ROBO1: variants seen among roughly 807,000 people sequenced by gnomAD.
ROBO1 encodes roundabout homolog 1.
Under a neutral mutation model 195.9 loss-of-function variants are expected in ROBO1, and 149 were observed. The observed-to-expected ratio is 0.76, with a 90% confidence interval of 0.67 to 0.87. ROBO1 has a LOEUF of 0.87. Among genes scored for constraint, ROBO1 ranks in the 40% least tolerant of loss-of-function variants. The pLI is 0.00. For missense variants in ROBO1, 1,933 were observed against 2,068.3 expected, an observed-to-expected ratio of 0.93 and a Z score of 1.27; for synonymous variants, 816 against 733.2, an observed-to-expected ratio of 1.11 and a Z score of -1.82.
At chr3:79,136,611 A>G (rs2080413876) in intron 2 of ROBO1, among the ~76,000 whole-genome samples, 1 of 152,186 alleles carries the variant, frequency 6.6e-6, no homozygotes. Flanking sequence ...ACATTTAATT[A>G]GAAACGTAGG....
chr3:79,099,168 T>C (rs1252903832), intron 3 of ROBO1, among the ~76,000 whole-genome samples: 1 of 151,792 alleles, frequency 6.6e-6, no homozygotes, highest in Non-Finnish European at 1.5e-5. Flanking sequence ...AAAGGAAACA[T>C]ACTTTTTCTG....
intron 1 of ROBO1, among the ~76,000 whole-genome samples, chr3:79,629,648 A>T (rs903358732): frequency 6.6e-6 from 1 of 152,070 alleles, no homozygotes. Flanking sequence ...AGATCAGAGC[A>T]GAATTAAATG....
At chr3:79,541,605 C>A (rs1439798184) in intron 2 of ROBO1, among the ~76,000 whole-genome samples, 1 of 151,878 alleles carries the variant, frequency 6.6e-6, no homozygotes, top group Non-Finnish European at 1.5e-5. Flanking sequence ...TTGAAAACTC[C>A]ACCATAATAT....
chr3:78,988,481 C>A (rs888574392), intron 3 of ROBO1, among the ~76,000 whole-genome samples: 1 of 152,256 alleles, frequency 6.6e-6, no homozygotes, highest in East Asian at 1.9e-4. Context: ...TTAGAAGGCA[C>A]ACTACATTAC....
In ROBO1 at chr3:79,671,949, T is replaced by C. The variant is rs537502462; in HGVS notation, c.-50-81988A>G. The stretch of plus-strand genomic sequence containing the variant: ...ACTAAATTGTGCTGGTCCCAACAAC[T>C]GCGAATTGCAACCTAATCATGAAAT... On this transcript the variant is annotated intron_variant, in intron 1 of 30. Transcript: ENST00000464233. Among the ~76,000 whole-genome samples, 5 of 152,082 alleles carry C rather than the reference T, an allele frequency of 3.3e-5. No homozygotes were observed. In the South Asian group the frequency reaches 1.0e-3, roughly 31 times the overall value.
chr3:79,599,134 T>G (rs1226109663), intron 1 of ROBO1, among the ~76,000 whole-genome samples: 3 of 152,052 alleles, frequency 2.0e-5, no homozygotes. Flanking sequence ...AAATAATTAT[T>G]TTATCACTAC....
At chr3:79,676,339 C>A (rs1290963155) in intron 1 of ROBO1, among the ~76,000 whole-genome samples, 1 of 151,996 alleles carries the variant, frequency 6.6e-6, no homozygotes, top group Non-Finnish European at 1.5e-5. Context: ...CAGATTAAAG[C>A]AAACCATTTC....
intron 2 of ROBO1, among the ~76,000 whole-genome samples, chr3:79,497,304 C>A (rs913133573): frequency 1.3e-5 from 2 of 152,164 alleles, no homozygotes; most frequent in Admixed American, 1.3e-4. Flanking sequence ...AAATTTACTA[C>A]CAACATCTCC....
intron 1 of ROBO1, among the ~76,000 whole-genome samples, chr3:79,640,203 A>G (rs769342322): frequency 1.3e-5 from 2 of 152,200 alleles, no homozygotes; most frequent in Non-Finnish European, 2.9e-5. Context: ...ATAAAGAAAA[A>G]AAGATAGCTT....
chr3:78,995,384 A>G (rs1439106143), intron 3 of ROBO1, among the ~76,000 whole-genome samples: 3 of 152,090 alleles, frequency 2.0e-5, no homozygotes, highest in African/African-American at 7.2e-5. Context: ...CCTGGAACCG[A>G]GCAACACAGA....
intron 2 of ROBO1, among the ~76,000 whole-genome samples, chr3:79,466,712 AT>A (rs1937979331): frequency 6.6e-6 from 1 of 152,218 alleles, no homozygotes; most frequent in Non-Finnish European, 1.5e-5. Flanking sequence ...ACTGTATGCT[AT>A]CTTTCAGTGT....
chr3:78,709,912 T>C (rs1045774149), intron 8 of ROBO1, among the ~76,000 whole-genome samples: 2 of 152,212 alleles, frequency 1.3e-5, no homozygotes, highest in African/African-American at 2.4e-5. Context: ...CCAATGCACA[T>C]GTAATGCAAT....
chr3:79,369,678 CT>C lies in ROBO1; in HGVS notation c.88+220145del, dbSNP rs1165239836. On this transcript the variant is annotated intron_variant, in intron 2 of 30. Coordinates refer to ENST00000464233, the MANE Select transcript of ROBO1 (RefSeq NM_002941.4). ...TTGCAAATTTTAAAGAGGCTTCTTT[CT>C]TTTTTTTTTTTCTTTTGATCTTTAG... Among the ~76,000 whole-genome samples the C allele has an allele frequency of 7.0e-4, 101 of 145,036 alleles. 1 individual carries two copies. The highest frequency in any genetic ancestry group is 3.3e-3 in the South Asian group (15 of 4,538).
chr3:79,694,076 G>A (rs1328604001), intron 1 of ROBO1, among the ~76,000 whole-genome samples: 4 of 151,668 alleles, frequency 2.6e-5, no homozygotes, highest in Non-Finnish European at 5.9e-5. Context: ...ATAAGTATTT[G>A]AAACAACTTC....
intron 2 of ROBO1, among the ~76,000 whole-genome samples, chr3:79,151,666 C>G (rs1463508575): frequency 6.6e-6 from 1 of 151,784 alleles, no homozygotes; most frequent in Non-Finnish European, 1.5e-5. Context: ...ATTTTCTTCT[C>G]CTGGCCTGCA....
chr3:78,798,782 G>A (rs533043886), intron 4 of ROBO1, among the ~76,000 whole-genome samples: 1 of 152,306 alleles, frequency 6.6e-6, no homozygotes, highest in Admixed American at 6.5e-5. Context: ...TCCATGAAGA[G>A]TAGTTTAGTG....
intron 4 of ROBO1, among the ~76,000 whole-genome samples, chr3:78,913,013 T>C (rs2038341010): frequency 6.6e-6 from 1 of 152,132 alleles, no homozygotes; most frequent in Admixed American, 6.6e-5. Flanking sequence ...AAGCACAGAT[T>C]TTTTGATATG....
At chr3:79,103,503 T>C (rs1170192120) in intron 3 of ROBO1, among the ~76,000 whole-genome samples, 9 of 151,820 alleles carry the variant, frequency 5.9e-5, no homozygotes, top group African/African-American at 2.2e-4. Context: ...TGTTTTTTGT[T>C]GAGTAAGCAG....
chr3:79,445,904 A>G (rs761995602), intron 2 of ROBO1, among the ~76,000 whole-genome samples: 1 of 151,972 alleles, frequency 6.6e-6, no homozygotes, highest in Non-Finnish European at 1.5e-5. Flanking sequence ...TGCCCGCCTC[A>G]GCCTCCCAAA....
Sources: allele counts gnomAD v4.1 joint callset (sites outside exome capture counted in the v4.1 genomes callset), GRCh38; gene constraint gnomAD v4.1.1; transcripts MANE v1.5; gene names NCBI Gene and HGNC (gene_info 2026-07-23, HGNC 2026-07-21).